The following PGM1 variants were observed in gnomAD, a reference collection of about 807,000 sequenced individuals.
The protein encoded by PGM1 is phosphoglucomutase-1.
A neutral mutation model predicts 55.6 loss-of-function variants in PGM1; 52 were observed. That is an observed-to-expected ratio of 0.94 (90% CI 0.75 to 1.18). The LOEUF is 1.18. Ranked by LOEUF, PGM1 falls within the 50% of genes most tolerant of loss-of-function variation. The pLI, the probability that PGM1 is intolerant of heterozygous loss-of-function variation, is 0.00. For missense variants in PGM1, 724 were observed against 729.3 expected (o/e 0.99, Z 0.08); for synonymous variants, 287 against 271.7 (o/e 1.06, Z -0.55).
intron 1 of PGM1, among the ~76,000 whole-genome samples, chr1:63,620,313 T>C (rs1648848605): frequency 6.6e-6 from 1 of 152,198 alleles, no homozygotes; most frequent in South Asian, 2.1e-4. Context: ...TTTCCACTCT[T>C]GGGGACAAAC....
At chr1:63,625,281 A>T (rs1476148343) in intron 1 of PGM1, among the ~76,000 whole-genome samples, 1 of 152,208 alleles carries the variant, frequency 6.6e-6, no homozygotes, top group Non-Finnish European at 1.5e-5. Context: ...GTGATAATTG[A>T]CTAAATATGG....
At position 63,593,606 on chromosome 1, in the gene PGM1, A is replaced by C; in HGVS notation, c.118A>C (p.Ile40Leu). ...QSSANYAENFIQSIISTVEPA... is the reference protein window; with the variant it reads ...QSSANYAENFLQSIISTVEPA... ...CAGCGCCAACTACGCGGAGAACTTC[A>C]TCCAGAGTATCATCTCCACCGTGGA... The change falls in exon 1 of 11, where the codon ATC becomes CTC. Residue 40 changes from isoleucine (I) to leucine (L), a missense_variant. Coordinates refer to ENST00000371084, the MANE Select transcript of PGM1 (RefSeq NM_002633.3). The C allele has an allele frequency of 6.2e-7, 1 of 1,613,458 alleles. No individual in the cohort carries two copies. The highest frequency in any genetic ancestry group is 8.5e-7 in the Non-Finnish European group (1 of 1,179,862).
intron 1 of PGM1, among the ~76,000 whole-genome samples, chr1:63,604,959 G>GTCTGTGTGTGTGTT (rs58900430): frequency 7.4e-6 from 1 of 134,236 alleles, no homozygotes; most frequent in African/African-American, 3.1e-5. Context: ...GTGTGTGTGT[G>GTCTGTGTGTGTGTT]TAAAGAGAGG....
chr1:63,616,023 C>A (rs1285756331), intron 1 of PGM1, among the ~76,000 whole-genome samples: 2 of 152,018 alleles, frequency 1.3e-5, no homozygotes, highest in East Asian at 1.9e-4. Flanking sequence ...CACAAGAGGG[C>A]AACATATGAC....
intron 1 of PGM1, among the ~76,000 whole-genome samples, chr1:63,609,706 G>A (rs1176184736): frequency 1.3e-5 from 2 of 152,134 alleles, no homozygotes; most frequent in African/African-American, 4.8e-5. Flanking sequence ...AGTCCACCAC[G>A]CGGTCCCGAG....
intron 2 of PGM1, 63 bp downstream of exon 2, chr1:63,629,650 G>A: frequency 6.7e-7 from 1 of 1,499,738 alleles, no homozygotes; most frequent in Non-Finnish European, 9.3e-7. Context: ...TCAATACCTG[G>A]AGCCTTGGGA....
chr1:63,642,494 G>A (rs1185202556), intron 7 of PGM1, among the ~76,000 whole-genome samples: 1 of 152,216 alleles, frequency 6.6e-6, no homozygotes, highest in Non-Finnish European at 1.5e-5. Flanking sequence ...TTATGTACAT[G>A]TTTATACACA....
At position 63,654,384 on chromosome 1, in the gene PGM1, G is replaced by A; in HGVS notation, c.1517G>A (p.Gly506Asp). ...DGSRIVFRLS[G>D]TGSAGATIRL... ...TCTCGAATCGTCTTCCGACTGAGCG[G>A]CACTGGGAGTGCCGGGGCCACCATT... The change falls in exon 10 of 11, where the codon GGC (glycine) becomes GAC (aspartate). Residue 506 changes from glycine to aspartate, a missense_variant. Physicochemically the swap from Gly to Asp is moderately conservative, Grantham distance 94. Transcript: ENST00000371084. 1 of 1,613,950 alleles carries A rather than the reference G, an allele frequency of 6.2e-7. No homozygotes were observed. The highest frequency in any genetic ancestry group is 8.5e-7 in the Non-Finnish European group (1 of 1,179,816).
At chr1:63,624,301 AG>A (rs1318537789) in intron 1 of PGM1, among the ~76,000 whole-genome samples, 1 of 152,192 alleles carries the variant, frequency 6.6e-6, no homozygotes, top group African/African-American at 2.4e-5. Flanking sequence ...GACCTGTTAC[AG>A]GGGCACCTGC....
At chr1:63,602,452 A>G (rs1056809583) in intron 1 of PGM1, among the ~76,000 whole-genome samples, 2 of 152,214 alleles carry the variant, frequency 1.3e-5, no homozygotes, top group African/African-American at 4.8e-5. Flanking sequence ...TTTGGCAACT[A>G]ATATATGAAT....
At position 63,613,678 on chromosome 1, in the gene PGM1, T is replaced by C. The variant is rs1316167069; in HGVS notation, c.247-15747T>C. Among the ~76,000 whole-genome samples, 3 of 151,554 alleles carry C rather than the reference T, an allele frequency of 2.0e-5. No individual in the cohort carries two copies. The East Asian group carries it at 5.8e-4, about 29-fold the overall frequency. ...TTCCAAATAAGGTCACATCCCCAGGTTCCTGGGTTAAGACTTCAATGTATC... is the reference window on the plus strand; with the variant it reads ...TTCCAAATAAGGTCACATCCCCAGGCTCCTGGGTTAAGACTTCAATGTATC... On this transcript the variant is annotated intron_variant, in intron 1 of 10. Coordinates refer to ENST00000371084, the MANE Select transcript of PGM1 (RefSeq NM_002633.3).
At chr1:63,648,428 TG>T in intron 7 of PGM1, 88 bp from the exon 8 acceptor site, 1 of 1,426,784 alleles carries the variant, frequency 7.0e-7, no homozygotes, top group Non-Finnish European at 9.9e-7. Flanking sequence ...GAGATTTGGG[TG>T]GGGATGCAGA....
chr1:63,613,202 T>A (rs953334051), intron 1 of PGM1, among the ~76,000 whole-genome samples: 1 of 149,300 alleles, frequency 6.7e-6, no homozygotes, highest in Non-Finnish European at 1.5e-5. Context: ...AGGAATAGTC[T>A]ACCCAGACTG....
intron 1 of PGM1, chr1:63,593,998 C>T (rs1245778439): frequency 8.6e-7 from 1 of 1,160,768 alleles, no homozygotes; most frequent in Non-Finnish European, 1.1e-6. Flanking sequence ...CGGAGCCTCC[C>T]AAGGTCACGC....
intron 1 of PGM1, among the ~76,000 whole-genome samples, chr1:63,618,715 G>A (rs1304651333): frequency 6.6e-6 from 1 of 152,154 alleles, no homozygotes; most frequent in Non-Finnish European, 1.5e-5. Flanking sequence ...ACACCAGCTG[G>A]GTGAGGTGTG....
intron 1 of PGM1, chr1:63,623,592 C>T (rs1475221406): frequency 6.2e-7 from 1 of 1,612,814 alleles, no homozygotes; most frequent in Non-Finnish European, 8.5e-7. Flanking sequence ...GGAAGAAAAC[C>T]TATTATTTTG....
chr1:63,604,027 C>A (rs1436685843), intron 1 of PGM1, among the ~76,000 whole-genome samples: 2 of 152,174 alleles, frequency 1.3e-5, no homozygotes, highest in Non-Finnish European at 2.9e-5. Context: ...TGATTCATCA[C>A]CTGCAACTTG....
Position 63,657,515 on chromosome 1 carries a change from C to T in PGM1, c.1600-2071C>T, listed in dbSNP as rs535685892. ...TAAGTGTAACATAATGCTATTATAA[C>T]CATTTTTAAGTATATAGTTTAGTAA... On this transcript the variant is annotated intron_variant, in intron 10 of 10. Coordinates refer to ENST00000371084, the MANE Select transcript of PGM1 (RefSeq NM_002633.3). Among the ~76,000 whole-genome samples the T allele has an allele frequency of 3.3e-5, 5 of 152,244 alleles. No individual in the cohort carries two copies. In the East Asian group the frequency reaches 9.6e-4, roughly 29 times the overall value.
At chr1:63,650,302 C>T (rs1272776532) in intron 8 of PGM1, among the ~76,000 whole-genome samples, 2 of 152,124 alleles carry the variant, frequency 1.3e-5, no homozygotes, top group East Asian at 3.9e-4. Flanking sequence ...AATTAATAGC[C>T]AATAGAGGCT....
Sources: gnomAD v4.1 joint callset for allele counts (sites outside exome capture counted in the v4.1 genomes callset) on GRCh38, gnomAD v4.1.1 for gene constraint, MANE v1.5 for transcripts, NCBI Gene and HGNC (gene_info 2026-07-23, HGNC 2026-07-21) for gene names.